The following TOM1L2 variants were observed in gnomAD, a reference collection of about 807,000 sequenced individuals.
TOM1L2 encodes target of myb1 like 2 membrane trafficking protein, also known as TOM1-like protein 2.
TOM1L2 carries 31 observed loss-of-function variants against 67.9 expected under a neutral mutation model. The ratio of observed to expected loss-of-function variants is 0.46; its 90% CI spans 0.34 to 0.62. TOM1L2 has a LOEUF of 0.62. TOM1L2 is among the 20% of genes least tolerant of loss of function. The probability of loss-of-function intolerance (pLI) is 0.01; values close to 1 mark genes in which losing one functional copy is unlikely to be tolerated. For synonymous variants in TOM1L2, 256 were observed against 254.0 expected, an observed-to-expected ratio of 1.01 and a Z score of -0.07; for missense variants, 606 against 663.5, an observed-to-expected ratio of 0.91 and a Z score of 0.95.
intron 1 of TOM1L2, among the ~76,000 whole-genome samples, chr17:17,954,120 G>T (rs2041326188): frequency 6.6e-6 from 1 of 152,220 alleles, no homozygotes; most frequent in African/African-American, 2.4e-5. Flanking sequence ...ATCTAGGTTA[G>T]GTTTCAAAGG....
chr17:17,909,588 T>A (rs1475464997), intron 1 of TOM1L2, among the ~76,000 whole-genome samples: 1 of 21,554 alleles, frequency 4.6e-5, no homozygotes. Context: ...CAGAGGCTGC[T>A]GGGGGGTGTG....
intron 1 of TOM1L2, among the ~76,000 whole-genome samples, chr17:17,911,118 G>A (rs1421384445): frequency 6.6e-6 from 1 of 152,178 alleles, no homozygotes; most frequent in South Asian, 2.1e-4. Flanking sequence ...GGGTGGGTGG[G>A]CAGAAAAACC....
intron 1 of TOM1L2, among the ~76,000 whole-genome samples, chr17:17,924,031 G>A (rs780273765): frequency 1.8e-4 from 28 of 151,542 alleles, no homozygotes; most frequent in Admixed American, 7.9e-4. Context: ...CCAGCTACTC[G>A]GGAGGCTGAG....
At chr17:17,963,572 T>G (rs1157813622) in intron 1 of TOM1L2, among the ~76,000 whole-genome samples, 1 of 152,182 alleles carries the variant, frequency 6.6e-6, no homozygotes, top group African/African-American at 2.4e-5. Context: ...AGAAAAAAAT[T>G]TTTAAATGAG....
At chr17:17,851,281 G>T (rs1484686932) in intron 12 of TOM1L2, 7 of 372,870 alleles carry the variant, frequency 1.9e-5, no homozygotes, top group South Asian at 1.6e-4. Context: ...TCAGCCCGGG[G>T]CTGCAAAACA....
At chr17:17,964,753 C>CA (rs1333216536) in intron 1 of TOM1L2, among the ~76,000 whole-genome samples, 3 of 151,398 alleles carry the variant, frequency 2.0e-5, no homozygotes, top group South Asian at 2.1e-4. Context: ...GACCCTGTCT[C>CA]AAAAAAAATA....
chr17:17,885,992 C>T (rs962033991), intron 4 of TOM1L2, among the ~76,000 whole-genome samples: 2 of 148,708 alleles, frequency 1.3e-5, no homozygotes, highest in African/African-American at 2.5e-5. Context: ...AAACAGAATA[C>T]TCAAAGGCCT....
intron 10 of TOM1L2, among the ~76,000 whole-genome samples, chr17:17,864,182 T>C (rs2036714245): frequency 6.6e-6 from 1 of 151,014 alleles, no homozygotes; most frequent in Non-Finnish European, 1.5e-5. Flanking sequence ...TATACCTTTT[T>C]TAAGAAGAGA....
intron 1 of TOM1L2, among the ~76,000 whole-genome samples, chr17:17,913,932 A>G (rs894431199): frequency 3.3e-5 from 5 of 152,156 alleles, no homozygotes; most frequent in African/African-American, 1.2e-4. Context: ...TCTCCATGAG[A>G]GTCTGTGCCA....
At chr17:17,848,531 G>A (rs1285849861) in intron 14 of TOM1L2, among the ~76,000 whole-genome samples, 1 of 152,252 alleles carries the variant, frequency 6.6e-6, no homozygotes, top group African/African-American at 2.4e-5. Context: ...GCTGGGCTGA[G>A]CACCTGTGGG....
intron 1 of TOM1L2, among the ~76,000 whole-genome samples, chr17:17,947,842 T>A (rs2041018639): frequency 6.6e-6 from 1 of 152,248 alleles, no homozygotes; most frequent in South Asian, 2.1e-4. Flanking sequence ...TATTCATTTT[T>A]AATTTCTTTT....
chr17:17,848,164 A>G (rs1108646), intron 14 of TOM1L2, among the ~76,000 whole-genome samples: 94,403 of 152,016 alleles, frequency 0.62, 30,336 homozygotes, highest in African/African-American at 0.69. Context: ...CCACCAATGG[A>G]GGACTGAGGA....
chr17:17,888,691 G>T (rs1231695596), intron 4 of TOM1L2, among the ~76,000 whole-genome samples: 46 of 152,172 alleles, frequency 3.0e-4, no homozygotes, highest in Admixed American at 2.9e-3. Context: ...AAGTGCATAT[G>T]GTTAGACTAT....
rs1027508594 is a variant in TOM1L2 at position 17,845,736 on chromosome 17, C to G, written c.*1899G>C. The G allele has an allele frequency of 1.3e-5, 2 of 152,312 alleles. No individual in the cohort carries two copies. Among genetic ancestry groups the G allele is most frequent in the Non-Finnish European group, 2.9e-5 (2 of 68,098 alleles). 9.4% of individuals were successfully genotyped at this position (152,312 alleles called of 1,614,324 possible). A position where few individuals can be genotyped will look rare whatever the true frequency, so the allele number is the denominator to read the frequency against. On this transcript the variant is annotated 3_prime_UTR_variant, in exon 15 of 15. Coordinates refer to ENST00000379504, the MANE Select transcript of TOM1L2 (RefSeq NM_001082968.2). ...CACCTTTTCTGCAGCTCAAGTGAAG[C>G]CAGCTAACTTCAGCAGTCTTCACAT...
chr17:17,879,546 G>A, intron 7 of TOM1L2, 81 bp downstream of exon 7: 2 of 1,129,016 alleles, frequency 1.8e-6, no homozygotes, highest in Admixed American at 1.7e-5. Flanking sequence ...CCTTGCCGCT[G>A]TGTCCCCGGG....
chr17:17,965,868 C>T (rs1340378905), intron 1 of TOM1L2, among the ~76,000 whole-genome samples: 1 of 152,170 alleles, frequency 6.6e-6, no homozygotes, highest in African/African-American at 2.4e-5. Context: ...CACCTGTAAT[C>T]CCAGCACTTT....
At chr17:17,953,312 T>C (rs2041286877) in intron 1 of TOM1L2, among the ~76,000 whole-genome samples, 2 of 152,170 alleles carry the variant, frequency 1.3e-5, no homozygotes, top group African/African-American at 4.8e-5. Context: ...GTAAATGTTA[T>C]GTTATGTGTA....
intron 1 of TOM1L2, among the ~76,000 whole-genome samples, chr17:17,965,490 C>T (rs948072802): frequency 6.6e-6 from 1 of 152,218 alleles, no homozygotes; most frequent in Non-Finnish European, 1.5e-5. Flanking sequence ...CAAAGCCCTG[C>T]TCAGCAGACA....
At chr17:17,881,860 C>T (rs2037740410) in intron 6 of TOM1L2, among the ~76,000 whole-genome samples, 1 of 152,212 alleles carries the variant, frequency 6.6e-6, no homozygotes, top group Admixed American at 6.5e-5. Context: ...ATTGCTATCC[C>T]TACACACACA....
Sources: gnomAD v4.1 joint callset for allele counts (sites outside exome capture counted in the v4.1 genomes callset) on GRCh38, gnomAD v4.1.1 for gene constraint, MANE v1.5 for transcripts, NCBI Gene and HGNC (gene_info 2026-07-23, HGNC 2026-07-21) for gene names.